Variants in NCKAP5 observed in about 807,000 individuals in gnomAD.
The protein encoded by NCKAP5 is NCK associated protein 5.
NCKAP5 carries 92 observed loss-of-function variants against 167.0 expected under a neutral mutation model. The observed-to-expected ratio is 0.55, with a 90% CI of 0.47 to 0.66. The LOEUF is 0.66. Among genes scored for constraint, NCKAP5 ranks in the 30% least tolerant of loss-of-function variants. The pLI is 0.00. For missense variants in NCKAP5, 2,378 were observed against 2,315.0 expected (o/e 1.03, Z -0.56); for synonymous variants, 891 against 877.4 (o/e 1.02, Z -0.27).
At chr2:132,912,986 C>T (rs1019422504) in intron 8 of NCKAP5, among the ~76,000 whole-genome samples, 3 of 152,088 alleles carry the variant, frequency 2.0e-5, no homozygotes, top group Non-Finnish European at 2.9e-5. Flanking sequence ...TTAGAAAGCA[C>T]TCAGTGTTTA....
chr2:133,422,319 G>T (rs540930506), intron 3 of NCKAP5, among the ~76,000 whole-genome samples: 1 of 152,234 alleles, frequency 6.6e-6, no homozygotes, highest in African/African-American at 2.4e-5. Context: ...CCACGGCAAA[G>T]TGCAGAATAT....
At chr2:133,177,183 T>TATATATATAC (rs3051216) in intron 5 of NCKAP5, among the ~76,000 whole-genome samples, 2,909 of 142,562 alleles carry the variant, frequency 0.02, 38 homozygotes, top group East Asian at 0.072. Context: ...TATATATATA[T>TATATATATAC]ATATACTCAA....
intron 3 of NCKAP5, among the ~76,000 whole-genome samples, chr2:133,354,366 TC>T (rs1210350740): frequency 6.6e-6 from 1 of 151,570 alleles, no homozygotes; most frequent in Non-Finnish European, 1.5e-5. Context: ...TAGCAAACCT[TC>T]CACCTCAGCC....
intron 3 of NCKAP5, among the ~76,000 whole-genome samples, chr2:133,336,781 G>C (rs1683237208): frequency 6.6e-6 from 1 of 152,108 alleles, no homozygotes; most frequent in African/African-American, 2.4e-5. Flanking sequence ...TGCTCTTTAG[G>C]TTAAGAGTTT....
At chr2:133,258,841 C>T (rs1405507313) in intron 4 of NCKAP5, among the ~76,000 whole-genome samples, 4 of 152,108 alleles carry the variant, frequency 2.6e-5, no homozygotes, top group Non-Finnish European at 5.9e-5. Context: ...GAGAGAACTT[C>T]TGTAGGAGAG....
intron 11 of NCKAP5, among the ~76,000 whole-genome samples, chr2:132,810,237 T>C (rs1241505113): frequency 6.6e-6 from 1 of 152,236 alleles, no homozygotes; most frequent in Non-Finnish European, 1.5e-5. Context: ...GATAGCCTGA[T>C]GACAATGTGC....
At chr2:133,155,866 C>A (rs966361612) in intron 5 of NCKAP5, among the ~76,000 whole-genome samples, 4 of 152,222 alleles carry the variant, frequency 2.6e-5, no homozygotes, top group African/African-American at 9.6e-5. Flanking sequence ...CAAGCCTCTG[C>A]AATCATGTGA....
the NCKAP5 span, among the ~76,000 whole-genome samples, chr2:133,653,100 A>T: frequency 1.3e-5 from 2 of 152,128 alleles, no homozygotes; most frequent in African/African-American, 4.8e-5. Context: ...TTAGTCCATG[A>T]CCTGTCCTGA....
rs1684969677 is a variant in NCKAP5, at chr2:133,526,908, G to A, written c.-61-9321C>T. Reference sequence around the variant, plus strand: ...GTGGATTGGAAGAATATTTAGATAAGTGGCTAGGGAAAAGAATTTTCACAC... The same window carrying A: ...GTGGATTGGAAGAATATTTAGATAAATGGCTAGGGAAAAGAATTTTCACAC... On this transcript the variant is annotated intron_variant, in intron 2 of 19. Coordinates refer to ENST00000409261, the MANE Select transcript of NCKAP5 (RefSeq NM_207363.3). Among the ~76,000 whole-genome samples the A allele has an allele frequency of 1.3e-5, 2 of 152,138 alleles. 1 individual carries two copies. The highest frequency in any genetic ancestry group is 4.1e-4 in the South Asian group (2 of 4,832).
At chr2:132,854,239 A>C (rs953321941) in intron 11 of NCKAP5, among the ~76,000 whole-genome samples, 1 of 152,236 alleles carries the variant, frequency 6.6e-6, no homozygotes, top group Non-Finnish European at 1.5e-5. Context: ...TGGGAACACA[A>C]CATTTAGTCA....
chr2:132,887,319 T>TTATCTATCTATCTATC (rs142083213), intron 8 of NCKAP5, among the ~76,000 whole-genome samples: 4,242 of 140,846 alleles, frequency 0.03, 69 homozygotes, highest in Admixed American at 0.043. Context: ...AACTTTTATT[T>TTATCTATCTATCTATC]TATCTATCTA....
chr2:133,392,167 G>A (rs1443837231), intron 3 of NCKAP5, among the ~76,000 whole-genome samples: 1 of 152,134 alleles, frequency 6.6e-6, no homozygotes, highest in Non-Finnish European at 1.5e-5. Flanking sequence ...CATATTCAAT[G>A]GTAGTCCCAT....
At chr2:132,682,545 A>G (rs1371898705) in intron 19 of NCKAP5, among the ~76,000 whole-genome samples, 2 of 152,186 alleles carry the variant, frequency 1.3e-5, no homozygotes, top group Non-Finnish European at 2.9e-5. Context: ...CAAATATGGA[A>G]CAAAGCATTA....
intron 11 of NCKAP5, among the ~76,000 whole-genome samples, chr2:132,801,885 G>A (rs544584857): frequency 6.6e-6 from 1 of 152,314 alleles, no homozygotes; most frequent in Admixed American, 6.5e-5. Flanking sequence ...GGTAGTGACT[G>A]ACTCTGCAGC....
At chr2:133,021,455 C>G (rs1464816898) in intron 6 of NCKAP5, among the ~76,000 whole-genome samples, 1 of 152,130 alleles carries the variant, frequency 6.6e-6, no homozygotes, top group African/African-American at 2.4e-5. Context: ...ATATCTAAAG[C>G]CTTGAAGAAA....
intron 8 of NCKAP5, among the ~76,000 whole-genome samples, 178 bp downstream of exon 8, chr2:132,963,542 A>G (rs1316732046): frequency 6.6e-6 from 1 of 152,150 alleles, no homozygotes; most frequent in Non-Finnish European, 1.5e-5. Context: ...TTAGGTCAAG[A>G]CCCTTTCAGT....
At chr2:133,342,614 T>C (rs1683673830) in intron 3 of NCKAP5, among the ~76,000 whole-genome samples, 1 of 152,188 alleles carries the variant, frequency 6.6e-6, no homozygotes, top group Non-Finnish European at 1.5e-5. Flanking sequence ...CCTAGCATCT[T>C]TGTGCCTACC....
At chr2:133,178,561 C>CA (rs1426346388) in intron 5 of NCKAP5, among the ~76,000 whole-genome samples, 1 of 139,564 alleles carries the variant, frequency 7.2e-6, no homozygotes, top group Non-Finnish European at 1.5e-5. Flanking sequence ...CGCATTGGCT[C>CA]ACGCCTGTAA....
rs1420922446 is a variant in NCKAP5, at chr2:133,069,867, A to AT, written c.341+60110_341+60111insA. 4.6e-3 allele frequency among the ~76,000 whole-genome samples: 698 copies of AT among 151,618 alleles called. 4 individuals are homozygous for AT. The highest frequency in any genetic ancestry group is 0.016 in the African/African-American group (676 of 41,294). On this transcript the variant is annotated intron_variant, in intron 6 of 19. Coordinates refer to ENST00000409261, the MANE Select transcript of NCKAP5 (RefSeq NM_207363.3). ...TATTTATAAATTTCATTGATTTATT[A>AT]AAAATATATATATATACACACACAC...
Sources: allele counts gnomAD v4.1 joint callset (sites outside exome capture counted in the v4.1 genomes callset), GRCh38; gene constraint gnomAD v4.1.1; transcripts MANE v1.5; gene names NCBI Gene and HGNC (gene_info 2026-07-23, HGNC 2026-07-21).